CLASP2: variants seen among roughly 807,000 people sequenced by gnomAD.
CLASP2 encodes CLIP-associating protein 2.
In CLASP2, 47 loss-of-function variants were observed where a neutral mutation model predicts 194.4. The observed-to-expected ratio is 0.24, with a 90% CI of 0.19 to 0.31. The LOEUF (loss-of-function observed/expected upper bound fraction) is 0.31, where lower values mean the gene tolerates loss of function less well. Ranked by LOEUF, CLASP2 falls within the 10% of genes least tolerant of loss-of-function variation. The pLI is 1.00. For synonymous variants in CLASP2, 619 were observed against 633.5 expected (o/e 0.98, Z 0.34); for missense variants, 1,445 against 1,823.6 (o/e 0.79, Z 3.78).
At chr3:33,553,573 T>C (rs945502764) in intron 29 of CLASP2, among the ~76,000 whole-genome samples, 8 of 152,144 alleles carry the variant, frequency 5.3e-5, no homozygotes, top group African/African-American at 1.7e-4. Context: ...AAGAAAGACA[T>C]ACAAATGGCC....
At chr3:33,587,424 G>C (rs1247437093) in intron 21 of CLASP2, among the ~76,000 whole-genome samples, 1 of 152,018 alleles carries the variant, frequency 6.6e-6, no homozygotes, top group Non-Finnish European at 1.5e-5. Flanking sequence ...GCACCCGGCC[G>C]ATCTGTGATT....
At chr3:33,608,306 T>C (rs905020613) in intron 14 of CLASP2, among the ~76,000 whole-genome samples, 3 of 152,196 alleles carry the variant, frequency 2.0e-5, no homozygotes, top group African/African-American at 7.2e-5. Flanking sequence ...TTTTAAACTT[T>C]TGCCCAACTC....
rs2046893020 is a variant in CLASP2 at position 33,501,706 on chromosome 3, A to G, written c.4380T>C (p.His1460=). The G allele has an allele frequency of 6.2e-7, 1 of 1,613,824 alleles. No individual in the cohort carries two copies. The highest frequency in any genetic ancestry group is 8.5e-7 in the Non-Finnish European group (1 of 1,179,794). The change falls in exon 38 of 39, where the codon CAT becomes CAC. Residue 1460 remains histidine (H), a synonymous_variant. Transcript: ENST00000682230. The part of the protein sequence containing the change: ...KACVFCLVAV[H]AVIGDELKPH... ...GTTTTAGTTCATCACCAATTACCGC[A>G]TGAACAGCCACCAGGCAGAAGACAC... is the stretch of plus-strand genomic sequence containing the variant.
chr3:33,525,541 C>A (rs1318667241), intron 34 of CLASP2, among the ~76,000 whole-genome samples: 4 of 152,074 alleles, frequency 2.6e-5, no homozygotes, highest in Non-Finnish European at 5.9e-5. Context: ...CCTAGGAAAG[C>A]GGTGAGTGAA....
At chr3:33,713,212 TAAGAC>T (rs2154358796) in intron 1 of CLASP2, among the ~76,000 whole-genome samples, 1 of 152,226 alleles carries the variant, frequency 6.6e-6, no homozygotes, top group East Asian at 1.9e-4. Context: ...ATAGTACAGC[TAAGAC>T]ATTATAGAGG....
intron 27 of CLASP2, among the ~76,000 whole-genome samples, chr3:33,563,439 T>C (rs2062113084): frequency 6.6e-6 from 1 of 152,196 alleles, no homozygotes; most frequent in African/African-American, 2.4e-5. Context: ...ACACCATCAC[T>C]AAAGGCACCA....
At chr3:33,532,558 G>GA (rs959714613) in intron 34 of CLASP2, among the ~76,000 whole-genome samples, 1 of 152,048 alleles carries the variant, frequency 6.6e-6, no homozygotes, top group African/African-American at 2.4e-5. Context: ...AAACAAATTG[G>GA]AAAAAAGATA....
intron 30 of CLASP2, among the ~76,000 whole-genome samples, chr3:33,547,832 GGGCT>G (rs1030199709): frequency 1.4e-5 from 2 of 145,116 alleles, no homozygotes; most frequent in African/African-American, 5.1e-5. Flanking sequence ...TCTGTCACTC[GGGCT>G]GGAGTGCAGT....
intron 6 of CLASP2, among the ~76,000 whole-genome samples, chr3:33,664,961 CGTG>C (rs2085928408): frequency 6.6e-6 from 1 of 151,970 alleles, no homozygotes; most frequent in Non-Finnish European, 1.5e-5. Flanking sequence ...ATCAGCTGGG[CGTG>C]GTGGCACATA....
chr3:33,500,885 C>A (rs2046698309), intron 38 of CLASP2, among the ~76,000 whole-genome samples: 1 of 152,148 alleles, frequency 6.6e-6, no homozygotes, highest in East Asian at 1.9e-4. Context: ...CCCTTGAGAA[C>A]AAACTTCTAA....
intron 9 of CLASP2, among the ~76,000 whole-genome samples, chr3:33,630,524 C>T (rs897241568): frequency 6.6e-6 from 1 of 150,728 alleles, no homozygotes; most frequent in African/African-American, 2.5e-5. Context: ...GTATGAGAGC[C>T]GAGAATAATA....
intron 1 of CLASP2, 77 bp downstream of exon 1, chr3:33,717,731 C>T: frequency 2.7e-6 from 4 of 1,474,340 alleles, no homozygotes; most frequent in Non-Finnish European, 1.8e-6. Flanking sequence ...GGAGCTTTCC[C>T]GGCCCGGCGC....
chr3:33,508,921 A>G (rs2154084849), intron 37 of CLASP2, among the ~76,000 whole-genome samples: 1 of 152,292 alleles, frequency 6.6e-6, no homozygotes. Flanking sequence ...CCTTGCTTTC[A>G]GTCAATAATT....
At chr3:33,563,876 TAA>T in intron 27 of CLASP2, 1 of 456,040 alleles carries the variant, frequency 2.2e-6, no homozygotes, top group Non-Finnish European at 4.4e-6. Context: ...TCTGGAAACA[TAA>T]ACTCTTTATC....
At chr3:33,704,427 A>G (rs925396185) in intron 1 of CLASP2, among the ~76,000 whole-genome samples, 2 of 152,158 alleles carry the variant, frequency 1.3e-5, no homozygotes, top group African/African-American at 4.8e-5. Flanking sequence ...AAATGGGCAA[A>G]GAACTTGAAT....
intron 5 of CLASP2, among the ~76,000 whole-genome samples, chr3:33,685,120 C>T (rs1485778404): frequency 2.0e-5 from 3 of 151,326 alleles, no homozygotes; most frequent in Non-Finnish European, 2.9e-5. Context: ...GCTGGCGGTT[C>T]ACCTGAGGTC....
Position 33,644,612 on chromosome 3 carries a change from G to A in CLASP2, c.862+145C>T, listed in dbSNP as rs1236035855. The A allele has an allele frequency of 1.1e-5, 9 of 805,318 alleles. No individual in the cohort carries two copies. The Middle Eastern group carries it at 6.8e-4, about 61-fold the overall frequency. 49.9% of individuals were successfully genotyped at this position (805,318 alleles called of 1,614,324 possible). A position where few individuals can be genotyped will look rare whatever the true frequency, so the allele number is the denominator to read the frequency against. On this transcript the variant is annotated intron_variant, in intron 8 of 38. Coordinates refer to ENST00000682230, the MANE Select transcript of CLASP2 (RefSeq NM_001365631.1). ...ATTTTATACATTTCAAAAGGGCATC[G>A]TATTCTTCTGAATGTTGCAACAGAC...
At chr3:33,596,934 A>G (rs2070555865) in intron 18 of CLASP2, among the ~76,000 whole-genome samples, 200 bp from the exon 19 acceptor site, 1 of 152,224 alleles carries the variant, frequency 6.6e-6, no homozygotes. Flanking sequence ...TACTAAGTAG[A>G]GAATTTTTTA....
chr3:33,683,722 A>C (rs1321835377), intron 6 of CLASP2: 2 of 152,470 alleles, frequency 1.3e-5, no homozygotes, highest in Non-Finnish European at 2.9e-5. Context: ...TGGGCAGATC[A>C]CTTGAGGTCA....
Sources: allele counts gnomAD v4.1 joint callset (sites outside exome capture counted in the v4.1 genomes callset), GRCh38; gene constraint gnomAD v4.1.1; transcripts MANE v1.5; gene names NCBI Gene and HGNC (gene_info 2026-07-23, HGNC 2026-07-21).